RFTN1: variants seen among roughly 807,000 people sequenced by gnomAD.
RFTN1 encodes raftlin, lipid raft linker 1, also known as raftlin.
Under a neutral mutation model 46.5 loss-of-function variants are expected in RFTN1, and 26 were observed. The ratio of observed to expected loss-of-function variants is 0.56; its 90% CI spans 0.41 to 0.78. The LOEUF is 0.78. RFTN1 is among the 30% of genes least tolerant of loss of function. The pLI is 0.00. For missense variants in RFTN1, 693 were observed against 718.7 expected, an observed-to-expected ratio of 0.96 and a Z score of 0.41; for synonymous variants, 261 against 284.2, an observed-to-expected ratio of 0.92 and a Z score of 0.82.
In RFTN1 at chr3:16,418,514, G is replaced by A. The variant is rs2075125702; in HGVS notation, c.333-9031C>T. Among the ~76,000 whole-genome samples the A allele has an allele frequency of 6.6e-6, 1 of 152,066 alleles. No individual in the cohort carries two copies. The highest frequency in any genetic ancestry group is 2.4e-5 in the African/African-American group (1 of 41,464). ...TTAGAAATAATCAAAAAAAAATGGT[G>A]ACAAACACAAACAGATTACTAGGCA... is the stretch of plus-strand genomic sequence containing the variant. On this transcript the variant is annotated intron_variant, in intron 3 of 9. Transcript: ENST00000334133. The surrounding 1 kb of genome is among the most constrained non-coding windows in gnomAD (Gnocchi z 5.0).
chr3:16,363,458 G>A (rs565456346), intron 6 of RFTN1, among the ~76,000 whole-genome samples: 2 of 152,310 alleles, frequency 1.3e-5, no homozygotes, highest in South Asian at 2.1e-4. Flanking sequence ...TTGGCAAAAG[G>A]CCACCTTAAT....
chr3:16,413,785 C>G lies in RFTN1; in HGVS notation c.333-4302G>C, dbSNP rs1000382453. ...CTTCCCCATCACTCGCCATCCCCAACTTGGTATGATAATTCCAATAGATTT... is the reference window on the plus strand; with the variant it reads ...CTTCCCCATCACTCGCCATCCCCAAGTTGGTATGATAATTCCAATAGATTT... On this transcript the variant is annotated intron_variant, in intron 3 of 9. Coordinates refer to ENST00000334133, the MANE Select transcript of RFTN1 (RefSeq NM_015150.2). The surrounding 1 kb of genome is among the most constrained non-coding windows in gnomAD (Gnocchi z 4.7). 6.6e-6 allele frequency among the ~76,000 whole-genome samples: 1 copy of G among 152,184 alleles called. No individual in the cohort carries two copies. Among genetic ancestry groups the G allele is most frequent in the African/African-American group, 2.4e-5 (1 of 41,452 alleles).
At position 16,448,226 on chromosome 3, in the gene RFTN1, C is replaced by T. The variant is rs745373453; in HGVS notation, c.146-14189G>A. Among the ~76,000 whole-genome samples, 15 of 151,490 alleles carry T rather than the reference C, an allele frequency of 9.9e-5. No homozygotes were observed. The highest frequency in any genetic ancestry group is 1.6e-4 in the Non-Finnish European group (11 of 67,928). Reference sequence around the variant, plus strand: ...AAATAAAATATATCATGAAAATTAACTTGCCTGTTTTTATTTTTTAATGTG... The same window carrying T: ...AAATAAAATATATCATGAAAATTAATTTGCCTGTTTTTATTTTTTAATGTG... On this transcript the variant is annotated intron_variant, in intron 2 of 9. Coordinates refer to ENST00000334133, the MANE Select transcript of RFTN1 (RefSeq NM_015150.2). The surrounding 1 kb of genome is among the most constrained non-coding windows in gnomAD (Gnocchi z 4.1).
chr3:16,326,945 T>C (rs1574977631), intron 7 of RFTN1, 69 bp from the exon 8 acceptor site: 2 of 1,195,270 alleles, frequency 1.7e-6, no homozygotes, highest in African/African-American at 3.0e-5. Context: ...GAGAGGGGAC[T>C]ATTCAGTCTG....
Position 16,440,842 on chromosome 3 carries a change from A to G in RFTN1, c.146-6805T>C, listed in dbSNP as rs552216761. ...AGACCTAGCAGCCTGCAGAGTATGG[A>G]TGGGGCATTTGATAAAGTTGGGGGA... is the stretch of plus-strand genomic sequence containing the variant. On this transcript the variant is annotated intron_variant, in intron 2 of 9. Transcript: ENST00000334133. The surrounding 1 kb of genome is among the most constrained non-coding windows in gnomAD (Gnocchi z 4.6). Among the ~76,000 whole-genome samples the G allele has an allele frequency of 6.6e-6, 1 of 152,292 alleles. No individual in the cohort carries two copies. Among genetic ancestry groups the G allele is most frequent in the African/African-American group, 2.4e-5 (1 of 41,564 alleles).
chr3:16,457,429 G>T lies in RFTN1; in HGVS notation c.146-23392C>A, dbSNP rs1403542273. 6.6e-6 allele frequency among the ~76,000 whole-genome samples: 1 copy of T among 152,048 alleles called. No homozygotes were observed. The highest frequency in any genetic ancestry group is 6.5e-5 in the Admixed American group (1 of 15,274). On this transcript the variant is annotated intron_variant, in intron 2 of 9. Transcript: ENST00000334133. The surrounding 1 kb of genome is among the most constrained non-coding windows in gnomAD (Gnocchi z 4.2). ...GGATCTTCATAGGAATCCTATGAAG[G>T]GTTACATTTCTAGAACATAGTAGTA... is the stretch of plus-strand genomic sequence containing the variant.
rs1329753394 is a variant in RFTN1, at chr3:16,450,201, C to A, written c.146-16164G>T. On this transcript the variant is annotated intron_variant, in intron 2 of 9. Coordinates refer to ENST00000334133, the MANE Select transcript of RFTN1 (RefSeq NM_015150.2). This position sits in a 1 kb window ranked among gnomAD's most constrained non-coding sequence, Gnocchi z 4.6. ...TTCCTAACCCACAATTTTTAATTTC[C>A]TCTACTAACTGCCAGAACAAGGGCT... 2.0e-5 allele frequency among the ~76,000 whole-genome samples: 3 copies of A among 152,186 alleles called. No homozygotes were observed. Among genetic ancestry groups the A allele is most frequent in the Non-Finnish European group, 4.4e-5 (3 of 68,020 alleles).
In RFTN1 at chr3:16,384,472, G is replaced by A. The variant is rs2074098833; in HGVS notation, c.442-6370C>T. Among the ~76,000 whole-genome samples the A allele has an allele frequency of 6.6e-6, 1 of 152,188 alleles. No homozygotes were observed. The highest frequency in any genetic ancestry group is 2.4e-5 in the African/African-American group (1 of 41,456). ...ATCTGGTATCGATTCCAGGTCCTAC[G>A]TGAGAGGCTGAAGTGTGGCAGGGAG... On this transcript the variant is annotated intron_variant, in intron 4 of 9. Transcript: ENST00000334133. The surrounding 1 kb of genome is among the most constrained non-coding windows in gnomAD (Gnocchi z 4.7).
At chr3:16,397,269 A>C (rs915220689) in intron 4 of RFTN1, among the ~76,000 whole-genome samples, 25 of 150,932 alleles carry the variant, frequency 1.7e-4, no homozygotes, top group Non-Finnish European at 1.8e-4. Flanking sequence ...ATAGTGCATG[A>C]TCTCACTTAT....
chr3:16,509,374 G>T lies in RFTN1; in HGVS notation c.-9+4068C>A, dbSNP rs967052468. On this transcript the variant is annotated intron_variant, in intron 1 of 9. Coordinates refer to ENST00000334133, the MANE Select transcript of RFTN1 (RefSeq NM_015150.2). The surrounding 1 kb of genome is among the most constrained non-coding windows in gnomAD (Gnocchi z 4.9). Reference sequence around the variant, plus strand: ...GAATGTCACAGTCTCTTCCCTTAAGGTCTTAGAAAAATGAAAACGTGAACT... The same window carrying T: ...GAATGTCACAGTCTCTTCCCTTAAGTTCTTAGAAAAATGAAAACGTGAACT... 1.3e-5 allele frequency among the ~76,000 whole-genome samples: 2 copies of T among 152,184 alleles called. No individual in the cohort carries two copies. Among genetic ancestry groups the T allele is most frequent in the Non-Finnish European group, 2.9e-5 (2 of 68,018 alleles).
chr3:16,363,775 A>G (rs1295020465), intron 6 of RFTN1, among the ~76,000 whole-genome samples: 2 of 152,020 alleles, frequency 1.3e-5, no homozygotes, highest in African/African-American at 2.4e-5. Flanking sequence ...TAGCTGGCAT[A>G]ACAGATCCTC....
intron 2 of RFTN1, among the ~76,000 whole-genome samples, chr3:16,436,423 C>G (rs1222664287): frequency 6.6e-6 from 1 of 151,362 alleles, no homozygotes; most frequent in East Asian, 1.9e-4. Flanking sequence ...GTGGTGCTAT[C>G]CCCGCTCACT....
intron 2 of RFTN1, 79 bp from the exon 3 acceptor site, chr3:16,434,116 C>A: frequency 7.9e-7 from 1 of 1,265,862 alleles, no homozygotes; most frequent in Non-Finnish European, 1.1e-6. Flanking sequence ...TCTTCCCTTG[C>A]CCTCGGGGAG....
At chr3:16,323,082 C>T (rs1262335113) in intron 9 of RFTN1, among the ~76,000 whole-genome samples, 1 of 152,188 alleles carries the variant, frequency 6.6e-6, no homozygotes, top group African/African-American at 2.4e-5. Context: ...GACTTCGTGC[C>T]CTTCTTTTCA....
In RFTN1 at chr3:16,473,242, G is replaced by C. The variant is rs2076226473; in HGVS notation, c.145+20483C>G. 1.3e-5 allele frequency among the ~76,000 whole-genome samples: 2 copies of C among 152,052 alleles called. No individual in the cohort carries two copies. Among genetic ancestry groups the C allele is most frequent in the African/African-American group, 4.8e-5 (2 of 41,438 alleles). ...CCACCTCCACCCCAATACTGGGCCA[G>C]ACTCCATGATACCAGGTGACTGGGT... On this transcript the variant is annotated intron_variant, in intron 2 of 9. Transcript: ENST00000334133. This position sits in a 1 kb window ranked among gnomAD's most constrained non-coding sequence, Gnocchi z 5.3.
chr3:16,434,361 TAAACAAACAAACAAACAAAC>T (rs138527155), intron 2 of RFTN1, among the ~76,000 whole-genome samples: 1 of 138,054 alleles, frequency 7.2e-6, no homozygotes, highest in African/African-American at 2.6e-5. Flanking sequence ...CGGTCTCTCT[TAAACAAACAAACAAACAAAC>T]AAACAAACAA....
chr3:16,467,428 C>A (rs1415341033), intron 2 of RFTN1, among the ~76,000 whole-genome samples: 1 of 152,230 alleles, frequency 6.6e-6, no homozygotes, highest in Non-Finnish European at 1.5e-5. Context: ...CACACAGGCC[C>A]TACACACAGG....
chr3:16,463,126 T>C (rs945769549), intron 2 of RFTN1, among the ~76,000 whole-genome samples: 4 of 152,232 alleles, frequency 2.6e-5, no homozygotes, highest in Admixed American at 1.3e-4. Context: ...CAGTACTCTA[T>C]GCTTTTTCTT....
At position 16,407,504 on chromosome 3, in the gene RFTN1, T is replaced by G. The variant is rs2074887137; in HGVS notation, c.441+1871A>C. ...ACTGTGCCCAGCCTCAAATCACATGTTTTTAAAAAGCATATTTGAGAGTGG... is the reference window on the plus strand; with the variant it reads ...ACTGTGCCCAGCCTCAAATCACATGGTTTTAAAAAGCATATTTGAGAGTGG... On this transcript the variant is annotated intron_variant, in intron 4 of 9. Transcript: ENST00000334133. The surrounding 1 kb of genome is among the most constrained non-coding windows in gnomAD (Gnocchi z 4.0). 1.3e-5 allele frequency among the ~76,000 whole-genome samples: 2 copies of G among 152,148 alleles called. No individual in the cohort carries two copies. The highest frequency in any genetic ancestry group is 4.8e-5 in the African/African-American group (2 of 41,426).
Sources: gnomAD v4.1 joint callset for allele counts (sites outside exome capture counted in the v4.1 genomes callset) on GRCh38, gnomAD v4.1.1 for gene constraint, Gnocchi (gnomAD v3.1) non-coding constraint, MANE v1.5 for transcripts, NCBI Gene and HGNC (gene_info 2026-07-23, HGNC 2026-07-21) for gene names.